The following CDH12 variants were observed in gnomAD, a reference collection of about 807,000 sequenced individuals.
CDH12 encodes the protein cadherin 12, also known as cadherin-12.
A neutral mutation model predicts 74.1 loss-of-function variants in CDH12; 41 were observed. That is an observed-to-expected ratio of 0.55 (90% CI 0.43 to 0.72). The LOEUF (loss-of-function observed/expected upper bound fraction) is 0.72, where lower values mean the gene tolerates loss of function less well. CDH12 is among the 30% of genes least tolerant of loss of function. The pLI, the probability that CDH12 is intolerant of heterozygous loss-of-function variation, is 0.00. For synonymous variants in CDH12, 399 were observed against 355.0 expected, an observed-to-expected ratio of 1.12 and a Z score of -1.39; for missense variants, 945 against 977.2, an observed-to-expected ratio of 0.97 and a Z score of 0.44.
At position 22,105,216 on chromosome 5, in the gene CDH12, C is replaced by T. The variant is rs1383745183; in HGVS notation, c.-186-26354G>A. On this transcript the variant is annotated intron_variant, in intron 4 of 14. Transcript: ENST00000382254. Reference sequence around the variant, plus strand: ...AAGTGATTCTCCTGCCTCAGCCTCCCGAGTAACTGGGATTACAGGCATGCA... The same window carrying T: ...AAGTGATTCTCCTGCCTCAGCCTCCTGAGTAACTGGGATTACAGGCATGCA... 6.6e-5 allele frequency among the ~76,000 whole-genome samples: 10 copies of T among 151,888 alleles called. No homozygotes were observed. The South Asian group carries it at 8.3e-4, about 13-fold the overall frequency.
At chr5:22,830,504 T>C (rs573018216) in intron 1 of CDH12, among the ~76,000 whole-genome samples, 13 of 151,984 alleles carry the variant, frequency 8.6e-5, no homozygotes, top group African/African-American at 3.1e-4. Flanking sequence ...ATAATTAATA[T>C]ATATAATTAG....
At chr5:21,776,210 G>A (rs1745578413) in intron 11 of CDH12, among the ~76,000 whole-genome samples, 1 of 152,108 alleles carries the variant, frequency 6.6e-6, no homozygotes, top group Non-Finnish European at 1.5e-5. Flanking sequence ...ACAGCAGTGT[G>A]GAATAGTTGC....
intron 2 of CDH12, among the ~76,000 whole-genome samples, chr5:22,468,056 T>C (rs1034354018): frequency 6.6e-6 from 1 of 152,190 alleles, no homozygotes; most frequent in African/African-American, 2.4e-5. Flanking sequence ...TGGTTTTGCT[T>C]CATCTGTGAA....
At chr5:22,138,875 T>TAC (rs1554014127) in intron 4 of CDH12, among the ~76,000 whole-genome samples, 7 of 137,690 alleles carry the variant, frequency 5.1e-5, no homozygotes, top group South Asian at 2.2e-4. Flanking sequence ...TATATATATA[T>TAC]ACATGTTGGA....
chr5:22,362,979 C>T (rs1355255528), intron 3 of CDH12, among the ~76,000 whole-genome samples: 3 of 150,600 alleles, frequency 2.0e-5, no homozygotes, highest in East Asian at 4.0e-4. Context: ...ACACCTAATG[C>T]TAAATGACGA....
At chr5:22,213,564 C>T (rs1262679470) in intron 3 of CDH12, 1 of 152,126 alleles carries the variant, frequency 6.6e-6, no homozygotes, top group African/African-American at 2.4e-5. Context: ...ACCTGCTGGT[C>T]CCCATCCGTC....
intron 1 of CDH12, among the ~76,000 whole-genome samples, chr5:22,814,515 T>C (rs1002898964): frequency 1.3e-5 from 2 of 152,198 alleles, no homozygotes; most frequent in Non-Finnish European, 2.9e-5. Context: ...GCCACGCACA[T>C]GTCCTAATTC....
At chr5:22,563,287 T>A (rs996995726) in intron 1 of CDH12, among the ~76,000 whole-genome samples, 2 of 152,094 alleles carry the variant, frequency 1.3e-5, no homozygotes, top group African/African-American at 4.8e-5. Flanking sequence ...TGAGGTGAGA[T>A]AAAATCTCAT....
At chr5:22,241,227 A>G (rs987687423) in intron 3 of CDH12, among the ~76,000 whole-genome samples, 2 of 152,058 alleles carry the variant, frequency 1.3e-5, no homozygotes, top group African/African-American at 4.8e-5. Context: ...TTTATGACAT[A>G]TAAATACACT....
At chr5:22,416,241 A>AT (rs535715616) in intron 2 of CDH12, among the ~76,000 whole-genome samples, 3 of 150,094 alleles carry the variant, frequency 2.0e-5, no homozygotes, top group Non-Finnish European at 4.4e-5. Flanking sequence ...CGCCCGGCTA[A>AT]TTTTTTTGTA....
intron 1 of CDH12, among the ~76,000 whole-genome samples, chr5:22,837,196 A>G (rs1253796704): frequency 4.6e-5 from 7 of 152,246 alleles, no homozygotes; most frequent in African/African-American, 1.7e-4. Context: ...AGGGAGGAGG[A>G]TCGCTTGAGC....
intron 1 of CDH12, among the ~76,000 whole-genome samples, chr5:22,799,089 C>G (rs1748376737): frequency 6.6e-6 from 1 of 152,036 alleles, no homozygotes; most frequent in South Asian, 2.1e-4. Flanking sequence ...TGCACACCGG[C>G]CTGGGTGACA....
intron 3 of CDH12, among the ~76,000 whole-genome samples, chr5:22,281,799 C>T (rs905182208): frequency 1.3e-5 from 2 of 152,056 alleles, no homozygotes; most frequent in African/African-American, 4.8e-5. Flanking sequence ...CCATACTGCC[C>T]AAAGGAATTT....
intron 1 of CDH12, among the ~76,000 whole-genome samples, chr5:22,586,837 ATT>A (rs11417237): frequency 3.8e-3 from 403 of 105,412 alleles, no homozygotes; most frequent in African/African-American, 0.013. Flanking sequence ...TTAGAGGAGG[ATT>A]TTTTTTTTTT....
At chr5:21,760,333 C>T (rs759098532) in intron 13 of CDH12, among the ~76,000 whole-genome samples, 13 of 152,070 alleles carry the variant, frequency 8.5e-5, no homozygotes, top group South Asian at 6.2e-4. Flanking sequence ...TTGCTTGACT[C>T]ATTGAGAGAC....
intron 1 of CDH12, among the ~76,000 whole-genome samples, chr5:22,793,420 TTAAC>T (rs1280021176): frequency 6.6e-6 from 1 of 152,236 alleles, no homozygotes; most frequent in African/African-American, 2.4e-5. Context: ...AGTTACCACT[TTAAC>T]TAGTTATAAC....
chr5:21,856,921 C>G (rs1355954155), intron 6 of CDH12, among the ~76,000 whole-genome samples: 6 of 151,810 alleles, frequency 4.0e-5, no homozygotes, highest in Non-Finnish European at 8.8e-5. Context: ...AGTGAAAGAG[C>G]AGATTCCAAT....
At chr5:22,626,914 G>T (rs531231322) in intron 1 of CDH12, among the ~76,000 whole-genome samples, 135 of 152,264 alleles carry the variant, frequency 8.9e-4, no homozygotes, top group Non-Finnish European at 1.7e-3. Context: ...CCAAACTGAT[G>T]TGAGAGAACT....
At chr5:22,060,176 G>T (rs554253223) in intron 5 of CDH12, among the ~76,000 whole-genome samples, 2 of 152,206 alleles carry the variant, frequency 1.3e-5, no homozygotes, top group East Asian at 3.9e-4. Flanking sequence ...CAGGGACATG[G>T]ATGAAGCTGG....
Sources: allele counts gnomAD v4.1 joint callset (sites outside exome capture counted in the v4.1 genomes callset), GRCh38; gene constraint gnomAD v4.1.1; transcripts MANE v1.5; gene names NCBI Gene and HGNC (gene_info 2026-07-23, HGNC 2026-07-21).